ATG5: variants seen among roughly 807,000 people sequenced by gnomAD.
ATG5 encodes the protein autophagy protein 5.
Under a neutral mutation model 36.5 loss-of-function variants are expected in ATG5, and 14 were observed. The observed-to-expected ratio is 0.38, with a 90% CI of 0.25 to 0.60. The LOEUF (loss-of-function observed/expected upper bound fraction) is 0.60, where lower values mean the gene tolerates loss of function less well. Ranked by LOEUF, ATG5 falls within the 20% of genes least tolerant of loss-of-function variation. ATG5 has a pLI of 0.60. For synonymous variants in ATG5, 95 were observed against 101.5 expected, an observed-to-expected ratio of 0.94 and a Z score of 0.38; for missense variants, 195 against 326.7, an observed-to-expected ratio of 0.60 and a Z score of 3.11.
At chr6:106,290,268 AT>A (rs1354819331) in intron 4 of ATG5, among the ~76,000 whole-genome samples, 4 of 121,914 alleles carry the variant, frequency 3.3e-5, no homozygotes, top group Non-Finnish European at 5.9e-5. Flanking sequence ...TATTTATTTT[AT>A]TTTATTTTAT....
intron 3 of ATG5, among the ~76,000 whole-genome samples, chr6:106,293,709 A>C (rs993266060): frequency 1.3e-5 from 2 of 152,212 alleles, no homozygotes; most frequent in Non-Finnish European, 2.9e-5. Flanking sequence ...TCTGAAACCT[A>C]ATTCTAAATT....
At chr6:106,246,898 T>C (rs1778364187) in intron 6 of ATG5, among the ~76,000 whole-genome samples, 1 of 152,170 alleles carries the variant, frequency 6.6e-6, no homozygotes, top group Admixed American at 6.5e-5. Flanking sequence ...TTTAATAAAT[T>C]AGAAATTCAA....
intron 4 of ATG5, among the ~76,000 whole-genome samples, chr6:106,292,763 G>T (rs79371064): frequency 0.075 from 11,390 of 152,144 alleles, 730 homozygotes; most frequent in Admixed American, 0.22. Context: ...AGCCACCAAG[G>T]CTGGCCCAAA....
chr6:106,324,211 C>A (rs1771206826), intron 1 of ATG5, among the ~76,000 whole-genome samples: 1 of 152,174 alleles, frequency 6.6e-6, no homozygotes, highest in African/African-American at 2.4e-5. Context: ...AAAGTCAGTA[C>A]TGAACATGTA....
At chr6:106,283,865 T>C (rs191047304) in intron 4 of ATG5, among the ~76,000 whole-genome samples, 96 of 152,384 alleles carry the variant, frequency 6.3e-4, no homozygotes, top group Non-Finnish European at 1.1e-3. Context: ...TGTGTTTTCA[T>C]TGAATTTGTC....
intron 6 of ATG5, among the ~76,000 whole-genome samples, chr6:106,217,977 G>A (rs911540415): frequency 8.5e-5 from 13 of 152,066 alleles, no homozygotes; most frequent in African/African-American, 2.9e-4. Context: ...TTAATATATA[G>A]CAGGCTTAAC....
intron 5 of ATG5, among the ~76,000 whole-genome samples, chr6:106,262,448 G>A (rs1039622623): frequency 6.6e-6 from 1 of 152,130 alleles, no homozygotes; most frequent in Non-Finnish European, 1.5e-5. Flanking sequence ...CAGAAAGGTG[G>A]TAAGAAGCTA....
chr6:106,189,803 A>G (rs2063287657), intron 7 of ATG5, among the ~76,000 whole-genome samples: 1 of 152,198 alleles, frequency 6.6e-6, no homozygotes, highest in Non-Finnish European at 1.5e-5. Flanking sequence ...ACTACAAAGA[A>G]AATGACTCAG....
chr6:106,197,005 C>T (rs984373842), intron 7 of ATG5, among the ~76,000 whole-genome samples: 1 of 152,154 alleles, frequency 6.6e-6, no homozygotes, highest in Non-Finnish European at 1.5e-5. Context: ...GGGAGACCCC[C>T]CACTTATATA....
intron 6 of ATG5, among the ~76,000 whole-genome samples, chr6:106,207,467 G>A (rs939288244): frequency 2.0e-5 from 3 of 151,718 alleles, no homozygotes; most frequent in Non-Finnish European, 2.9e-5. Flanking sequence ...TCAGGAGACC[G>A]AGGTGGGAGG....
intron 5 of ATG5, among the ~76,000 whole-genome samples, chr6:106,252,187 T>C (rs1582613106): frequency 6.6e-6 from 1 of 152,326 alleles, no homozygotes; most frequent in East Asian, 1.9e-4. Flanking sequence ...AGCAGTCACT[T>C]AGCTTATTCA....
At chr6:106,284,717 G>A (rs940875296) in intron 4 of ATG5, among the ~76,000 whole-genome samples, 1 of 149,798 alleles carries the variant, frequency 6.7e-6, no homozygotes, top group African/African-American at 2.4e-5. Context: ...TCGTTGTGTG[G>A]GGTTTTTTTT....
intron 1 of ATG5, among the ~76,000 whole-genome samples, chr6:106,323,180 G>A (rs1022483988): frequency 1.3e-5 from 2 of 150,304 alleles, no homozygotes; most frequent in South Asian, 2.1e-4. Context: ...CTCGTGATCC[G>A]CCCGCCTTGG....
intron 5 of ATG5, among the ~76,000 whole-genome samples, chr6:106,251,640 A>AGGGAGGGAGGGAGGGAGGGAGGGAGGCG (rs1274810142): frequency 3.4e-5 from 2 of 58,086 alleles, no homozygotes; most frequent in Non-Finnish European, 6.8e-5. Flanking sequence ...AATCAGAGAG[A>AGGGAGGGAGGGAGGGAGGGAGGGAGGCG]GAGAGAGGGA....
intron 5 of ATG5, among the ~76,000 whole-genome samples, chr6:106,278,413 A>G (rs1445868473): frequency 6.6e-6 from 1 of 152,186 alleles, no homozygotes; most frequent in Non-Finnish European, 1.5e-5. Context: ...TCAATGTCAT[A>G]AAATATCTGA....
intron 6 of ATG5, chr6:106,202,579 G>A (rs1282377296): frequency 6.6e-6 from 1 of 152,530 alleles, no homozygotes; most frequent in Non-Finnish European, 1.5e-5. Flanking sequence ...AATTTCTTAG[G>A]TACAATAAGG....
At chr6:106,243,376 C>T (rs971863161) in intron 6 of ATG5, among the ~76,000 whole-genome samples, 1 of 152,002 alleles carries the variant, frequency 6.6e-6, no homozygotes, top group Non-Finnish European at 1.5e-5. Flanking sequence ...GTAGGAAATA[C>T]AAAAATTAGC....
chr6:106,222,639 A>C (rs1030718152), intron 6 of ATG5, among the ~76,000 whole-genome samples: 1 of 152,238 alleles, frequency 6.6e-6, no homozygotes, highest in Non-Finnish European at 1.5e-5. Flanking sequence ...AAGAGGCATA[A>C]AAAATAAAAG....
chr6:106,288,787 T>TAGACATTAA (rs938736850), intron 4 of ATG5, among the ~76,000 whole-genome samples: 22 of 152,338 alleles, frequency 1.4e-4, no homozygotes, highest in African/African-American at 4.6e-4. Context: ...ATCACTATTG[T>TAGACATTAA]AGACATTAAA....
Sources: gnomAD v4.1 joint callset for allele counts (sites outside exome capture counted in the v4.1 genomes callset) on GRCh38, gnomAD v4.1.1 for gene constraint, MANE v1.5 for transcripts, NCBI Gene and HGNC (gene_info 2026-07-23, HGNC 2026-07-21) for gene names.